The following ZNF585B variants were observed in gnomAD, a reference collection of about 807,000 sequenced individuals.
ZNF585B encodes the protein zinc finger protein 41-like protein.
Under a neutral mutation model 14.0 loss-of-function variants are expected in ZNF585B, and 7 were observed. That is an observed-to-expected ratio of 0.50 (90% confidence interval 0.28 to 0.94). The LOEUF (loss-of-function observed/expected upper bound fraction) is 0.94. ZNF585B is among the 40% of genes least tolerant of loss of function. The pLI is 0.09. For synonymous variants in ZNF585B, 290 were observed against 317.3 expected, an observed-to-expected ratio of 0.91 and a Z score of 0.91; for missense variants, 750 against 924.4, an observed-to-expected ratio of 0.81 and a Z score of 2.45.
chr19:37,186,418 C>G lies in ZNF585B; in HGVS notation c.1119G>C (p.Gln373His). Residue 373 changes from glutamine (Q) to histidine (H), a missense_variant, in exon 5 of 5, where the codon CAG becomes CAC. By Grantham distance (24) the Gln-to-His change is conservative. Coordinates refer to ENST00000532828, the MANE Select transcript of ZNF585B (RefSeq NM_152279.4). ...FTYRSELIIH[Q>H]RIHTGEKPYE... ...AAGGTTTCTCTCCAGTGTGAATTCT[C>G]TGATGAATAATCAACTCTGACCTGT... is the stretch of plus-strand genomic sequence containing the variant. 7 of 1,614,176 alleles carry G rather than the reference C, an allele frequency of 4.3e-6. No homozygotes were observed. Among genetic ancestry groups the G allele is most frequent in the Non-Finnish European group, 5.9e-6 (7 of 1,180,034 alleles).
chr19:37,207,335 G>A (rs1196203888), intron 1 of ZNF585B, 81 bp from the exon 2 acceptor site: 4 of 1,098,638 alleles, frequency 3.6e-6, no homozygotes, highest in Admixed American at 6.1e-5. Context: ...AGGTCCCTGC[G>A]CTAGAAACCA....
chr19:37,200,226 C>T (rs947138297), intron 2 of ZNF585B, among the ~76,000 whole-genome samples: 1 of 151,628 alleles, frequency 6.6e-6, no homozygotes, highest in Non-Finnish European at 1.5e-5. Flanking sequence ...AAATAAAGGT[C>T]TCCTTGAAAG....
intron 2 of ZNF585B, among the ~76,000 whole-genome samples, chr19:37,196,904 C>T (rs933017653): frequency 6.6e-6 from 1 of 152,162 alleles, no homozygotes; most frequent in Non-Finnish European, 1.5e-5. Flanking sequence ...CACAGCTTTT[C>T]AACTGCACAG....
chr19:37,210,507 G>C lies in ZNF585B; in HGVS notation c.-210C>G. On this transcript the variant is annotated 5_prime_UTR_variant, in exon 1 of 5. Coordinates refer to ENST00000532828, the MANE Select transcript of ZNF585B (RefSeq NM_152279.4). Reference sequence around the variant, plus strand: ...TAGTCCTGACGCCAGCGGCGAAATAGCCTTCGGGGACCACTTCCACTTCCG... The same window carrying C: ...TAGTCCTGACGCCAGCGGCGAAATACCCTTCGGGGACCACTTCCACTTCCG... 1 of 152,194 alleles carries C rather than the reference G, an allele frequency of 6.6e-6. No individual in the cohort carries two copies. 9.4% of individuals were successfully genotyped at this position (152,194 alleles called of 1,614,324 possible).
chr19:37,202,896 G>GTC (rs967028469), intron 2 of ZNF585B, among the ~76,000 whole-genome samples: 2 of 152,082 alleles, frequency 1.3e-5, no homozygotes, highest in African/African-American at 4.8e-5. Context: ...ACTGGCCCTG[G>GTC]TCTCCCAAAG....
chr19:37,203,622 C>CTGTTT (rs1014658305), intron 2 of ZNF585B, among the ~76,000 whole-genome samples: 2 of 151,836 alleles, frequency 1.3e-5, no homozygotes, highest in Admixed American at 6.6e-5. Context: ...AAGAGCCTTT[C>CTGTTT]TGTTTTGTTT....
chr19:37,196,988 CTTTTT>C (rs899341530), intron 2 of ZNF585B, among the ~76,000 whole-genome samples: 4 of 152,012 alleles, frequency 2.6e-5, no homozygotes, highest in Non-Finnish European at 5.9e-5. Flanking sequence ...GCCATTTTTT[CTTTTT>C]ATTATACTTT....
intron 2 of ZNF585B, chr19:37,199,049 A>C (rs1225406907): frequency 1.3e-6 from 2 of 1,496,290 alleles, no homozygotes; most frequent in African/African-American, 1.4e-5. Flanking sequence ...AATGGTACCT[A>C]TATACCTGAA....
At position 37,182,968 on chromosome 19, in the gene ZNF585B, C is replaced by A; in HGVS notation, c.*2259G>T. On this transcript the variant is annotated 3_prime_UTR_variant, in exon 5 of 5. Transcript: ENST00000532828. Reference sequence around the variant, plus strand: ...CTAGTTCCCTGCTATTGGCTTCAGGCACTCCTCTCGGGGCAGGATGAGCAG... The same window carrying A: ...CTAGTTCCCTGCTATTGGCTTCAGGAACTCCTCTCGGGGCAGGATGAGCAG... 1 of 152,384 alleles carries A rather than the reference C, an allele frequency of 6.6e-6. No homozygotes were observed. Among genetic ancestry groups the A allele is most frequent in the Non-Finnish European group, 1.5e-5 (1 of 68,108 alleles). The allele number at this position is 152,384 out of a possible 1,614,324, so 9.4% of individuals were successfully genotyped here. A position where few individuals can be genotyped will look rare whatever the true frequency, so the allele number is the denominator to read the frequency against.
rs576216292 is a variant in ZNF585B at position 37,187,015 on chromosome 19, G to C, written c.522C>G (p.Ile174Met). 1 of 1,613,074 alleles carries C rather than the reference G, an allele frequency of 6.2e-7. No homozygotes were observed. Among genetic ancestry groups the C allele is most frequent in the African/African-American group, 1.3e-5 (1 of 74,930 alleles). ...CTCTCATATGGGTTTTCTGATGTGT[G>C]ATGAATTCTGGCTTCTGTACAAAAG... Reference protein sequence around the residue: ...GRAFVQKPEFITHQKTHMREK... With the variant: ...GRAFVQKPEFMTHQKTHMREK... The change falls in exon 5 of 5, where the codon ATC becomes ATG. Residue 174 changes from isoleucine to methionine, a missense_variant. Physicochemically the swap from Ile to Met is conservative, Grantham distance 10. Transcript: ENST00000532828.
intron 2 of ZNF585B, among the ~76,000 whole-genome samples, chr19:37,204,939 G>T (rs1376939150): frequency 1.3e-5 from 2 of 152,128 alleles, no homozygotes; most frequent in African/African-American, 4.8e-5. Context: ...GTAGAGACGG[G>T]GCGTCACCAT....
At chr19:37,208,467 T>C (rs939399114) in intron 1 of ZNF585B, among the ~76,000 whole-genome samples, 2 of 152,172 alleles carry the variant, frequency 1.3e-5, no homozygotes, top group African/African-American at 4.8e-5. Context: ...TTTCTGATTA[T>C]GTTTCCTAAT....
intron 2 of ZNF585B, among the ~76,000 whole-genome samples, chr19:37,198,225 G>A (rs1264477826): frequency 2.0e-5 from 3 of 152,034 alleles, no homozygotes; most frequent in Non-Finnish European, 2.9e-5. Flanking sequence ...GGGTTGGAGT[G>A]TAATGGCGTG....
In ZNF585B at chr19:37,184,831, C is replaced by CAT. The variant is rs760171935; in HGVS notation, c.*394_*395dup. On this transcript the variant is annotated 3_prime_UTR_variant, in exon 5 of 5. Coordinates refer to ENST00000532828, the MANE Select transcript of ZNF585B (RefSeq NM_152279.4). ...AACTCACAGAAGGATTCATCACTAT[C>CAT]ATATATATTATGTTGTCTTACCATT... The CAT allele has an allele frequency of 4.8e-6, 2 of 416,924 alleles. No individual in the cohort carries two copies. The highest frequency in any genetic ancestry group is 8.5e-6 in the Non-Finnish European group (2 of 235,786). The allele number at this position is 416,924 out of a possible 1,614,324, so 25.8% of individuals were successfully genotyped here.
At position 37,192,630 on chromosome 19, in the gene ZNF585B, G is replaced by A. The variant is rs1049462389; in HGVS notation, c.73-2480C>T. 3.3e-5 allele frequency among the ~76,000 whole-genome samples: 5 copies of A among 149,592 alleles called. No individual in the cohort carries two copies. In the East Asian group the frequency reaches 1.0e-3, roughly 30 times the overall value. ...GTTCGAGACCAGCCTGGCCAACATG[G>A]TGAAACCCCATCTCTACTAAAAATA... On this transcript the variant is annotated intron_variant, in intron 2 of 4. Transcript: ENST00000532828.
chr19:37,186,947 T>TG lies in ZNF585B; in HGVS notation c.589dup (p.Gln197ProfsTer19). 2 of 1,614,032 alleles carry TG rather than the reference T, an allele frequency of 1.2e-6. No homozygotes were observed. The highest frequency in any genetic ancestry group is 1.7e-6 in the Non-Finnish European group (2 of 1,179,996). Reference sequence around the variant, plus strand: ...GTGATGCCTGAAAAGAGACGATACTTGAAAAAAGGATTTTCCACATTCATT... The same window carrying TG: ...GTGATGCCTGAAAAGAGACGATACTTGGAAAAAAGGATTTTCCACATTCATT... On this transcript the variant is annotated frameshift_variant, in exon 5 of 5. Transcript: ENST00000532828. LOFTEE classifies it low-confidence loss of function (END_TRUNC).
chr19:37,207,266 A>G lies in ZNF585B; in HGVS notation c.-143-12T>C. 6.9e-7 allele frequency: 1 copy of G among 1,450,632 alleles called. No homozygotes were observed. Among genetic ancestry groups the G allele is most frequent in the Non-Finnish European group, 9.1e-7 (1 of 1,103,400 alleles). 89.9% of individuals were successfully genotyped at this position (1,450,632 alleles called of 1,614,324 possible). ...AGACACCCAAGAACCTAGAAAAACA[A>G]TGTCCACGTAGTCATTCAACATTCA... On this transcript the variant is annotated splice_polypyrimidine_tract_variant and intron_variant, in intron 1 of 4. Coordinates refer to ENST00000532828, the MANE Select transcript of ZNF585B (RefSeq NM_152279.4).
chr19:37,198,938 C>T (rs1568510388), intron 2 of ZNF585B: 1 of 1,458,402 alleles, frequency 6.9e-7, no homozygotes. Flanking sequence ...TTGAAAGCTA[C>T]CTTGTTGATT....
chr19:37,184,494 A>AAGAAAGAAAG lies in ZNF585B; in HGVS notation c.*723_*732dup, dbSNP rs1972307392. ...AAAGAAAGAAAGAAAGAAAGAAAGA[A>AAGAAAGAAAG]AGAAAGAAAGAGAAAGAAAGAAAGA... On this transcript the variant is annotated 3_prime_UTR_variant, in exon 5 of 5. Coordinates refer to ENST00000532828, the MANE Select transcript of ZNF585B (RefSeq NM_152279.4). 9.6e-6 allele frequency: 1 copy of AAGAAAGAAAG among 103,908 alleles called. No individual in the cohort carries two copies. Among genetic ancestry groups the AAGAAAGAAAG allele is most frequent in the African/African-American group, 3.8e-5 (1 of 26,416 alleles). 6.4% of individuals were successfully genotyped at this position (103,908 alleles called of 1,614,324 possible). A position where few individuals can be genotyped will look rare whatever the true frequency, so the allele number is the denominator to read the frequency against.
Sources: gnomAD v4.1 joint callset for allele counts (sites outside exome capture counted in the v4.1 genomes callset) on GRCh38, gnomAD v4.1.1 for gene constraint, MANE v1.5 for transcripts, NCBI Gene and HGNC (gene_info 2026-07-23, HGNC 2026-07-21) for gene names.